The following PHLDB2 variants were observed in gnomAD, a reference collection of about 807,000 sequenced individuals.
PHLDB2 encodes the protein pleckstrin homology-like domain family B member 2.
PHLDB2 carries 71 observed loss-of-function variants against 123.6 expected under a neutral mutation model. The observed-to-expected ratio is 0.57, with a 90% CI of 0.47 to 0.70. PHLDB2 has a LOEUF of 0.70. Ranked by LOEUF, PHLDB2 falls within the 30% of genes least tolerant of loss-of-function variation. PHLDB2 has a pLI of 0.00. For missense variants in PHLDB2, 1,446 were observed against 1,519.5 expected (o/e 0.95, Z 0.80); for synonymous variants, 547 against 541.6 (o/e 1.01, Z -0.14).
At chr3:111,853,476 G>C (rs2064348835) in intron 2 of PHLDB2, among the ~76,000 whole-genome samples, 1 of 152,152 alleles carries the variant, frequency 6.6e-6, no homozygotes, top group South Asian at 2.1e-4. Context: ...ATTATCAATA[G>C]TTCCAGAAAG....
intron 1 of PHLDB2, among the ~76,000 whole-genome samples, chr3:111,874,128 T>C (rs569248236): frequency 6.6e-6 from 1 of 152,182 alleles, no homozygotes; most frequent in African/African-American, 2.4e-5. Context: ...ACTCACAGAA[T>C]TTTAGGTGTG....
chr3:111,871,408 G>A lies in PHLDB2; in HGVS notation c.-15+11832G>A, dbSNP rs1254245088. On this transcript the variant is annotated intron_variant, in intron 1 of 17. Coordinates refer to ENST00000431670, the MANE Select transcript of PHLDB2 (RefSeq NM_001134438.2). ...ATGCCTGTAATCCTAGCACTTTTGGGAGGCCAAGGCAGGTGGATTACTTGA... is the reference window on the plus strand; with the variant it reads ...ATGCCTGTAATCCTAGCACTTTTGGAAGGCCAAGGCAGGTGGATTACTTGA... 2.6e-5 allele frequency among the ~76,000 whole-genome samples: 4 copies of A among 152,078 alleles called. No individual in the cohort carries two copies. In the East Asian group the frequency reaches 7.7e-4, roughly 29 times the overall value.
At chr3:111,955,159 ATCTC>A (rs1396198172) in intron 12 of PHLDB2, among the ~76,000 whole-genome samples, 1 of 138,884 alleles carries the variant, frequency 7.2e-6, no homozygotes. Context: ...ATATATATAT[ATCTC>A]TCACTGGAAC....
chr3:111,738,671 T>C (rs1486770565), intron 1 of PHLDB2, among the ~76,000 whole-genome samples: 2 of 152,176 alleles, frequency 1.3e-5, no homozygotes, highest in Non-Finnish European at 2.9e-5. Context: ...TGTATCTGTG[T>C]GTGTATGTGT....
chr3:111,945,186 T>C (rs984524842), intron 8 of PHLDB2, 82 bp from the exon 9 acceptor site: 13 of 884,132 alleles, frequency 1.5e-5, no homozygotes, highest in Non-Finnish European at 2.4e-5. Context: ...AATCTGATGT[T>C]AGTCTCTAAT....
intron 2 of PHLDB2, among the ~76,000 whole-genome samples, chr3:111,904,277 C>CAAAAAA (rs3082325): frequency 3.5e-5 from 3 of 86,722 alleles, no homozygotes. Context: ...GACCCTGTCT[C>CAAAAAA]AAAAAAAAAA....
At chr3:111,826,039 T>C (rs1004896796) in intron 1 of PHLDB2, among the ~76,000 whole-genome samples, 1 of 152,088 alleles carries the variant, frequency 6.6e-6, no homozygotes, top group Non-Finnish European at 1.5e-5. Flanking sequence ...TGGTGGCTCA[T>C]GCTTGTAATG....
intron 1 of PHLDB2, among the ~76,000 whole-genome samples, chr3:111,814,922 A>G (rs920243267): frequency 6.6e-6 from 1 of 152,230 alleles, no homozygotes; most frequent in Admixed American, 6.5e-5. Flanking sequence ...TAACTTCCAC[A>G]GTTCCCACGT....
At chr3:111,942,916 T>C (rs911356767) in intron 8 of PHLDB2, among the ~76,000 whole-genome samples, 1 of 151,932 alleles carries the variant, frequency 6.6e-6, no homozygotes, top group Non-Finnish European at 1.5e-5. Flanking sequence ...AAGTTCAGTA[T>C]TGATCAGTTG....
chr3:111,786,651 G>A (rs2060690942), intron 1 of PHLDB2, among the ~76,000 whole-genome samples: 1 of 152,092 alleles, frequency 6.6e-6, no homozygotes, highest in Non-Finnish European at 1.5e-5. Context: ...TAGGGGATTG[G>A]CAGACAAGCC....
intron 12 of PHLDB2, among the ~76,000 whole-genome samples, chr3:111,958,488 G>T (rs1428870323): frequency 1.3e-5 from 2 of 152,130 alleles, no homozygotes; most frequent in Non-Finnish European, 2.9e-5. Context: ...GACTTTTCAG[G>T]TCCAATTAGC....
At position 111,942,898 on chromosome 3, in the gene PHLDB2, A is replaced by G. The variant is rs540087442; in HGVS notation, c.2397+2253A>G. Among the ~76,000 whole-genome samples the G allele has an allele frequency of 2.6e-3, 397 of 151,862 alleles. 3 individuals carry two copies. Among genetic ancestry groups the G allele is most frequent in the African/African-American group, 3.6e-3 (151 of 41,480 alleles). ...TAAGTGTCTTCAAACGGAAACACAC[A>G]TGAAACAAAGTTCAGTATTGATCAG... On this transcript the variant is annotated intron_variant, in intron 8 of 17. Coordinates refer to ENST00000431670, the MANE Select transcript of PHLDB2 (RefSeq NM_001134438.2).
intron 1 of PHLDB2, among the ~76,000 whole-genome samples, chr3:111,790,061 T>C (rs1296923527): frequency 6.6e-6 from 1 of 152,162 alleles, no homozygotes; most frequent in East Asian, 1.9e-4. Context: ...GGCGTTCAAA[T>C]TGCCCTTGGA....
chr3:111,884,239 CTA>C lies in PHLDB2; in HGVS notation c.164_165del (p.Tyr55PhefsTer42). On this transcript the variant is annotated frameshift_variant, in exon 2 of 18. Transcript: ENST00000431670. LOFTEE classifies it high-confidence loss of function. ...SSLRFKANGD[Y>X]SGSYLTLSQP... ...GTCTGAGATTTAAAGCCAATGGAGA[CTA>C]TTCTGGCTCCTATTTAACCCTCTCA... is the stretch of plus-strand genomic sequence containing the variant. 6.2e-7 allele frequency: 1 copy of C among 1,614,158 alleles called. No individual in the cohort carries two copies. The highest frequency in any genetic ancestry group is 8.5e-7 in the Non-Finnish European group (1 of 1,180,008).
At chr3:111,860,689 C>T (rs2064790886) in intron 1 of PHLDB2, among the ~76,000 whole-genome samples, 1 of 152,078 alleles carries the variant, frequency 6.6e-6, no homozygotes. Flanking sequence ...GAGCGACGCC[C>T]GCAGCTTTTT....
intron 2 of PHLDB2, among the ~76,000 whole-genome samples, chr3:111,902,942 A>G (rs907819743): frequency 6.6e-6 from 1 of 152,164 alleles, no homozygotes; most frequent in Non-Finnish European, 1.5e-5. Context: ...CTGGCAATTT[A>G]TTCAGTTTTT....
chr3:111,857,801 A>C (rs575337608), upstream of PHLDB2, among the ~76,000 whole-genome samples: 4 of 152,344 alleles, frequency 2.6e-5, no homozygotes, highest in African/African-American at 9.6e-5. Context: ...AAGTCAGGAA[A>C]TAACAGACGC....
At chr3:111,891,933 A>G (rs1041199734) in intron 2 of PHLDB2, among the ~76,000 whole-genome samples, 1 of 152,206 alleles carries the variant, frequency 6.6e-6, no homozygotes, top group Non-Finnish European at 1.5e-5. Context: ...ACGTTGCCAA[A>G]AGCATCTTGT....
At chr3:111,951,458 G>A (rs1026925256) in intron 10 of PHLDB2, among the ~76,000 whole-genome samples, 3 of 151,936 alleles carry the variant, frequency 2.0e-5, no homozygotes, top group Non-Finnish European at 4.4e-5. Context: ...TTTATGATTG[G>A]CATATTTGAA....
Sources: allele counts gnomAD v4.1 joint callset (sites outside exome capture counted in the v4.1 genomes callset), GRCh38; gene constraint gnomAD v4.1.1; transcripts MANE v1.5; gene names NCBI Gene and HGNC (gene_info 2026-07-23, HGNC 2026-07-21).